Variants in TAF12 observed in about 807,000 individuals in gnomAD.
TAF12 encodes the protein TATA-box binding protein associated factor 12, also known as transcription initiation factor TFIID subunit 12.
TAF12 carries 3 observed loss-of-function variants against 20.8 expected under a neutral mutation model. The ratio of observed to expected loss-of-function variants is 0.14; its 90% confidence interval spans 0.07 to 0.37. TAF12 has a LOEUF of 0.37. TAF12 is among the 10% of genes least tolerant of loss of function. The probability of loss-of-function intolerance (pLI) is 1.00; values close to 1 mark genes in which losing one functional copy is unlikely to be tolerated. For missense variants in TAF12, 131 were observed against 197.9 expected, an observed-to-expected ratio of 0.66 and a Z score of 2.03; for synonymous variants, 69 against 70.2, an observed-to-expected ratio of 0.98 and a Z score of 0.09.
At position 28,624,782 on chromosome 1, in the gene TAF12, A is replaced by G. The variant is rs573067850; in HGVS notation, c.-84-2617T>C. Among the ~76,000 whole-genome samples, 14 of 151,986 alleles carry G rather than the reference A, an allele frequency of 9.2e-5. 1 individual carries two copies. The highest frequency in any genetic ancestry group is 3.4e-3 in the Middle Eastern group (1 of 294). On this transcript the variant is annotated intron_variant, in intron 1 of 5. Transcript: ENST00000373824. The stretch of plus-strand genomic sequence containing the variant: ...AAAAATAAAAAAATAAATAATAATA[A>G]TAAGAAGAAATCATGTTCTCCTGGT...
intron 1 of TAF12, among the ~76,000 whole-genome samples, chr1:28,631,352 C>T (rs536580953): frequency 2.0e-5 from 3 of 151,670 alleles, no homozygotes; most frequent in African/African-American, 7.3e-5. Flanking sequence ...AGTGAAGCCC[C>T]GTCTCTACTA....
intron 5 of TAF12, 87 bp downstream of exon 5, chr1:28,605,285 C>T: frequency 3.6e-6 from 5 of 1,402,988 alleles, no homozygotes; most frequent in African/African-American, 1.4e-5. Context: ...AAGCGAGGCC[C>T]CCTAGAAGGT....
intron 4 of TAF12, among the ~76,000 whole-genome samples, chr1:28,608,175 C>CAA (rs58747974): frequency 0.016 from 997 of 63,690 alleles, 12 homozygotes; most frequent in Non-Finnish European, 0.022. Flanking sequence ...ACTAAAAATA[C>CAA]AAAAAAAAAA....
intron 1 of TAF12, among the ~76,000 whole-genome samples, chr1:28,629,200 G>T (rs1667536964): frequency 6.6e-6 from 1 of 152,128 alleles, no homozygotes; most frequent in Admixed American, 6.6e-5. Context: ...GGTGGCCTAT[G>T]GGACCAAGAA....
chr1:28,643,172 C>T (rs1177593827), upstream of TAF12: 1 of 940,594 alleles, frequency 1.1e-6, no homozygotes, highest in Non-Finnish European at 1.3e-6. Flanking sequence ...CAGGCGCAGA[C>T]TGCCCTCCGA....
intron 1 of TAF12, among the ~76,000 whole-genome samples, chr1:28,633,954 G>A (rs189578683): frequency 7.0e-5 from 9 of 128,692 alleles, no homozygotes; most frequent in Non-Finnish European, 1.2e-4. Context: ...GTGGTGGCGC[G>A]TGCCTGTAAT....
At position 28,605,362 on chromosome 1, in the gene TAF12, A is replaced by C; in HGVS notation, c.450+10T>G. On this transcript the variant is annotated intron_variant, in intron 5 of 5. Coordinates refer to ENST00000373824, the MANE Select transcript of TAF12 (RefSeq NM_005644.4). ...CCCTGGCTGTCCCCAGGGCTCTGGCATTTCCTCACCTGTTTGTGAGCTTCT... is the reference window on the plus strand; with the variant it reads ...CCCTGGCTGTCCCCAGGGCTCTGGCCTTTCCTCACCTGTTTGTGAGCTTCT... The C allele has an allele frequency of 6.2e-7, 1 of 1,613,922 alleles. No individual in the cohort carries two copies. The highest frequency in any genetic ancestry group is 1.6e-4 in the Middle Eastern group (1 of 6,062).
At position 28,605,412 on chromosome 1, in the gene TAF12, C is replaced by T. The variant is rs191329207; in HGVS notation, c.410G>A (p.Arg137Gln). The T allele has an allele frequency of 6.8e-5, 110 of 1,613,990 alleles. 1 individual carries two copies. Among genetic ancestry groups the T allele is most frequent in the Admixed American group, 6.7e-5 (4 of 59,996 alleles). The change falls in exon 5 of 6, where the codon CGA becomes CAA. Residue 137 changes from arginine to glutamine, a missense_variant. Arg to Gln is a conservative substitution (Grantham distance 43, BLOSUM62 1). Coordinates refer to ENST00000373824, the MANE Select transcript of TAF12 (RefSeq NM_005644.4). ...WIPGFGSEEIRPYKKACTTEA... is the reference protein window; with the variant it reads ...WIPGFGSEEIQPYKKACTTEA... Reference sequence around the variant, plus strand: ...TGTGGTGCAAGCTTTTTTGTAGGGTCGGATTTCTTCAGAGCCAAATCCTGG... The same window carrying T: ...TGTGGTGCAAGCTTTTTTGTAGGGTTGGATTTCTTCAGAGCCAAATCCTGG...
intron 1 of TAF12, 64 bp downstream of exon 1, chr1:28,642,928 T>A: frequency 1.0e-6 from 1 of 986,316 alleles, no homozygotes; most frequent in Non-Finnish European, 1.2e-6. Flanking sequence ...TGACCCACTG[T>A]AGGTCTGGGT....
At chr1:28,635,246 A>T (rs1197478941) in intron 1 of TAF12, among the ~76,000 whole-genome samples, 10 of 149,994 alleles carry the variant, frequency 6.7e-5, no homozygotes, top group African/African-American at 2.2e-4. Context: ...ATAAATAAAT[A>T]AATAAAAAAA....
At chr1:28,618,086 C>G in intron 2 of TAF12, 56 bp from the exon 3 acceptor site, 1 of 1,516,528 alleles carries the variant, frequency 6.6e-7, no homozygotes, top group East Asian at 2.3e-5. Context: ...TGAAACAAAT[C>G]ATTACCCTGT....
At chr1:28,638,042 T>C (rs1371870965) in intron 1 of TAF12, among the ~76,000 whole-genome samples, 2 of 152,032 alleles carry the variant, frequency 1.3e-5, no homozygotes, top group African/African-American at 4.8e-5. Flanking sequence ...GCTCTGTCGC[T>C]CAGGCTGGAG....
intron 4 of TAF12, among the ~76,000 whole-genome samples, chr1:28,611,473 A>G (rs1211385946): frequency 6.6e-6 from 1 of 152,172 alleles, no homozygotes; most frequent in Non-Finnish European, 1.5e-5. Context: ...ATTGGTTAAA[A>G]TGAGATCATA....
chr1:28,611,899 G>C (rs1188978092), intron 4 of TAF12, among the ~76,000 whole-genome samples: 2 of 152,112 alleles, frequency 1.3e-5, no homozygotes, highest in Non-Finnish European at 2.9e-5. Flanking sequence ...TCAACCCCCA[G>C]ATTCATGAAT....
At chr1:28,626,347 C>T (rs1348764677) in intron 1 of TAF12, among the ~76,000 whole-genome samples, 6 of 151,642 alleles carry the variant, frequency 4.0e-5, no homozygotes, top group Non-Finnish European at 5.9e-5. Context: ...TAGGAGGCCA[C>T]GGCAGGTGGA....
upstream of TAF12, among the ~76,000 whole-genome samples, chr1:28,644,722 C>G (rs1278097289): frequency 6.6e-6 from 1 of 152,224 alleles, no homozygotes; most frequent in Non-Finnish European, 1.5e-5. Flanking sequence ...AAGGAAAACA[C>G]TTACTCAAGG....
intron 5 of TAF12, 82 bp from the exon 6 acceptor site, chr1:28,603,656 C>CATT: frequency 6.9e-7 from 1 of 1,452,070 alleles, no homozygotes; most frequent in Non-Finnish European, 9.7e-7. Context: ...GGCTAGCAGG[C>CATT]CTCATGGTCT....
intron 4 of TAF12, among the ~76,000 whole-genome samples, chr1:28,606,975 T>G (rs1365689924): frequency 6.6e-6 from 1 of 152,226 alleles, no homozygotes; most frequent in Non-Finnish European, 1.5e-5. Flanking sequence ...GAGAGAAGTA[T>G]GTCCACACCA....
chr1:28,614,002 G>A (rs1384325625), intron 3 of TAF12, among the ~76,000 whole-genome samples: 1 of 152,212 alleles, frequency 6.6e-6, no homozygotes, highest in Non-Finnish European at 1.5e-5. Context: ...CACTTTGGGA[G>A]GCTGAGGCAG....
Sources: gnomAD v4.1 joint callset for allele counts (sites outside exome capture counted in the v4.1 genomes callset) on GRCh38, gnomAD v4.1.1 for gene constraint, MANE v1.5 for transcripts, NCBI Gene and HGNC (gene_info 2026-07-23, HGNC 2026-07-21) for gene names.